MLLT3: variants seen among roughly 807,000 people sequenced by gnomAD.
MLLT3 encodes protein AF-9.
Under a neutral mutation model 53.2 loss-of-function variants are expected in MLLT3, and 4 were observed. The ratio of observed to expected loss-of-function variants is 0.08; its 90% CI spans 0.04 to 0.17. The LOEUF (loss-of-function observed/expected upper bound fraction) is 0.17, where lower values mean the gene tolerates loss of function less well. Among genes scored for constraint, MLLT3 ranks in the 10% least tolerant of loss-of-function variants. MLLT3 has a pLI of 1.00. For synonymous variants in MLLT3, 283 were observed against 230.6 expected (o/e 1.23, Z -2.06); for missense variants, 569 against 684.0 (o/e 0.83, Z 1.87).
chr9:20,564,844 T>G (rs1263595969), intron 2 of MLLT3, among the ~76,000 whole-genome samples: 1 of 151,086 alleles, frequency 6.6e-6, no homozygotes, highest in Non-Finnish European at 1.5e-5. Flanking sequence ...TGTGAAAACC[T>G]CCACTTCCCC....
Position 20,621,659 on chromosome 9 carries a change from C to G in MLLT3, c.12+586G>C, listed in dbSNP as rs868647295. On this transcript the variant is annotated intron_variant, in intron 1 of 10. Coordinates refer to ENST00000380338, the MANE Select transcript of MLLT3 (RefSeq NM_004529.4). This position sits in a 1 kb window ranked among gnomAD's most constrained non-coding sequence, Gnocchi z 7.0. ...AGGCAGGGCGGCGGGCGGACAGCCG[C>G]CGAGCCTCGGCTCGCGCTCAGCACC... 2.8e-6 allele frequency: 3 copies of G among 1,074,664 alleles called. No individual in the cohort carries two copies. Among genetic ancestry groups the G allele is most frequent in the South Asian group, 3.3e-5 (2 of 60,274 alleles). 66.6% of individuals were successfully genotyped at this position (1,074,664 alleles called of 1,614,324 possible).
intron 2 of MLLT3, among the ~76,000 whole-genome samples, chr9:20,501,480 G>A (rs983734189): frequency 2.6e-5 from 4 of 152,230 alleles, no homozygotes; most frequent in Non-Finnish European, 4.4e-5. Flanking sequence ...GGCCGGGCAC[G>A]GTGGCTCACG....
chr9:20,414,459 A>G (rs1041542201), intron 4 of MLLT3, 34 bp from the exon 5 acceptor site: 22 of 1,600,898 alleles, frequency 1.4e-5, no homozygotes, highest in Non-Finnish European at 1.9e-5. Flanking sequence ...GAAACTCCCA[A>G]AACTAAATAG....
At chr9:20,498,401 C>CA (rs1191338742) in intron 2 of MLLT3, among the ~76,000 whole-genome samples, 1 of 151,976 alleles carries the variant, frequency 6.6e-6, no homozygotes, top group Non-Finnish European at 1.5e-5. Context: ...TGTCGAGTAT[C>CA]TTTTCTTGTG....
At chr9:20,402,343 T>G (rs533401177) in intron 5 of MLLT3, among the ~76,000 whole-genome samples, 16 of 152,228 alleles carry the variant, frequency 1.1e-4, no homozygotes, top group Non-Finnish European at 1.5e-4. Context: ...AGAAAGGATA[T>G]GAAGGTGCCA....
At chr9:20,503,497 A>G (rs1825299811) in intron 2 of MLLT3, among the ~76,000 whole-genome samples, 1 of 152,196 alleles carries the variant, frequency 6.6e-6, no homozygotes, top group Non-Finnish European at 1.5e-5. Context: ...CCACACACAT[A>G]AGAATGAAAT....
chr9:20,465,337 G>A (rs1824208674), intron 2 of MLLT3, among the ~76,000 whole-genome samples: 2 of 152,070 alleles, frequency 1.3e-5, no homozygotes, highest in African/African-American at 2.4e-5. Flanking sequence ...AACTGAAATA[G>A]ATGGGTGTTG....
chr9:20,450,371 A>C (rs1823809003), intron 3 of MLLT3, among the ~76,000 whole-genome samples: 2 of 152,218 alleles, frequency 1.3e-5, no homozygotes, highest in Admixed American at 1.3e-4. Context: ...TTCTAACACA[A>C]AAATCAGATT....
chr9:20,547,543 C>T (rs1435568788), intron 2 of MLLT3, among the ~76,000 whole-genome samples: 2 of 150,856 alleles, frequency 1.3e-5, no homozygotes, highest in Non-Finnish European at 2.9e-5. Flanking sequence ...ACTCGGGAGG[C>T]TGAGGCAAGA....
chr9:20,594,964 C>A (rs367726021), intron 2 of MLLT3, among the ~76,000 whole-genome samples: 188 of 152,232 alleles, frequency 1.2e-3, no homozygotes, highest in Middle Eastern at 6.8e-3. Context: ...TAAAAATGTC[C>A]AAACAGCAGC....
chr9:20,557,365 C>T (rs1304066011), intron 2 of MLLT3, among the ~76,000 whole-genome samples: 3 of 152,046 alleles, frequency 2.0e-5, no homozygotes, highest in South Asian at 2.1e-4. Context: ...CTCTGTGGTC[C>T]AATTTCCTCA....
At chr9:20,514,826 G>A (rs568665071) in intron 2 of MLLT3, among the ~76,000 whole-genome samples, 2 of 152,146 alleles carry the variant, frequency 1.3e-5, no homozygotes, top group Admixed American at 6.5e-5. Flanking sequence ...TCTACTGAAA[G>A]CATCTTCCAA....
intron 5 of MLLT3, among the ~76,000 whole-genome samples, chr9:20,366,588 T>A (rs1379529026): frequency 6.6e-6 from 1 of 152,210 alleles, no homozygotes; most frequent in Non-Finnish European, 1.5e-5. Flanking sequence ...TCAAATGGTA[T>A]TTCTGGTTCT....
At chr9:20,555,787 C>G (rs574047870) in intron 2 of MLLT3, among the ~76,000 whole-genome samples, 23 of 152,218 alleles carry the variant, frequency 1.5e-4, no homozygotes, top group African/African-American at 5.5e-4. Context: ...GGTCTTGATG[C>G]AAATAAATAA....
At position 20,473,905 on chromosome 9, in the gene MLLT3, T is replaced by G. The variant is rs545109436; in HGVS notation, c.194-17119A>C. Among the ~76,000 whole-genome samples, 8 of 152,226 alleles carry G rather than the reference T, an allele frequency of 5.3e-5. No homozygotes were observed. The South Asian group carries it at 1.7e-3, about 32-fold the overall frequency. ...CTGTACTTTCTAGTCACTGCACAAA[T>G]AGAATTTATTCTACCACACTCTTGC... On this transcript the variant is annotated intron_variant, in intron 2 of 10. Transcript: ENST00000380338.
intron 6 of MLLT3, 67 bp downstream of exon 6, chr9:20,365,602 C>A: frequency 6.4e-7 from 1 of 1,567,184 alleles, no homozygotes; most frequent in Non-Finnish European, 8.8e-7. Flanking sequence ...CCCGTGTCAG[C>A]CTCCCAAAGT....
At chr9:20,419,822 C>A (rs1268382718) in intron 4 of MLLT3, among the ~76,000 whole-genome samples, 1 of 152,010 alleles carries the variant, frequency 6.6e-6, no homozygotes, top group Non-Finnish European at 1.5e-5. Context: ...AATAACTGAA[C>A]CAGAAACGTT....
intron 5 of MLLT3, among the ~76,000 whole-genome samples, chr9:20,402,573 C>A (rs1822482592): frequency 1.3e-5 from 2 of 152,150 alleles, no homozygotes; most frequent in African/African-American, 4.8e-5. Context: ...GTTTTTAAAA[C>A]CTCTTTCCAT....
At chr9:20,564,522 C>T (rs1431455243) in intron 2 of MLLT3, among the ~76,000 whole-genome samples, 1 of 152,128 alleles carries the variant, frequency 6.6e-6, no homozygotes, top group Non-Finnish European at 1.5e-5. Flanking sequence ...GCCTCACCTA[C>T]TAAAAGTAAT....
Sources: allele counts gnomAD v4.1 joint callset (sites outside exome capture counted in the v4.1 genomes callset), GRCh38; gene constraint gnomAD v4.1.1; non-coding constraint Gnocchi (gnomAD v3.1); transcripts MANE v1.5; gene names NCBI Gene and HGNC (gene_info 2026-07-23, HGNC 2026-07-21).